Variants in UST observed in about 807,000 individuals in gnomAD.
The protein encoded by UST is chondroitin sulfate 2-O-sulfotransferase.
Under a neutral mutation model 45.6 loss-of-function variants are expected in UST, and 21 were observed. That is an observed-to-expected ratio of 0.46 (90% CI 0.33 to 0.66). The LOEUF is 0.66. Among genes scored for constraint, UST ranks in the 30% least tolerant of loss-of-function variants. The pLI, the probability that UST is intolerant of heterozygous loss-of-function variation, is 0.02. For synonymous variants in UST, 215 were observed against 200.6 expected, an observed-to-expected ratio of 1.07 and a Z score of -0.61; for missense variants, 463 against 512.4, an observed-to-expected ratio of 0.90 and a Z score of 0.93.
chr6:148,830,889 A>C (rs6916808), intron 1 of UST, among the ~76,000 whole-genome samples: 28,244 of 152,072 alleles, frequency 0.19, 2,869 homozygotes, highest in African/African-American at 0.27. Flanking sequence ...AGTGGTGATG[A>C]CTGCACAACA....
chr6:148,885,137 T>C (rs1028287602), intron 1 of UST, among the ~76,000 whole-genome samples: 1 of 152,144 alleles, frequency 6.6e-6, no homozygotes, highest in Non-Finnish European at 1.5e-5. Flanking sequence ...TCGTTCTTTT[T>C]TAGGAGTTTT....
At chr6:149,042,245 G>A (rs1043563104) in intron 7 of UST, among the ~76,000 whole-genome samples, 1 of 152,134 alleles carries the variant, frequency 6.6e-6, no homozygotes, top group African/African-American at 2.4e-5. Context: ...TACTATACAT[G>A]TACTGATAAT....
chr6:148,784,482 A>G (rs1310063126), intron 1 of UST, among the ~76,000 whole-genome samples: 1 of 152,202 alleles, frequency 6.6e-6, no homozygotes, highest in African/African-American at 2.4e-5. Context: ...CTGTGTACCC[A>G]TTCACGAGGA....
chr6:148,789,505 T>C (rs1346431954), intron 1 of UST, among the ~76,000 whole-genome samples: 3 of 152,022 alleles, frequency 2.0e-5, no homozygotes, highest in African/African-American at 7.2e-5. Flanking sequence ...ATTTTATTTA[T>C]ATAAATGTTT....
At chr6:149,033,673 G>A (rs1168451657) in intron 7 of UST, among the ~76,000 whole-genome samples, 1 of 152,126 alleles carries the variant, frequency 6.6e-6, no homozygotes, top group Non-Finnish European at 1.5e-5. Context: ...CACTTGACTT[G>A]AAGGTCTCAC....
intron 7 of UST, among the ~76,000 whole-genome samples, chr6:149,033,268 G>T (rs551447565): frequency 6.6e-6 from 1 of 152,298 alleles, no homozygotes; most frequent in Non-Finnish European, 1.5e-5. Context: ...GACATTCTTT[G>T]CTTATAAAAT....
At chr6:149,019,340 A>G in intron 6 of UST, 104 bp downstream of exon 6, 1 of 814,200 alleles carries the variant, frequency 1.2e-6, no homozygotes, top group South Asian at 1.5e-5. Flanking sequence ...TAGTCTCTCA[A>G]CCTTCTGGAA....
At chr6:148,780,052 C>G (rs563251292) in intron 1 of UST, among the ~76,000 whole-genome samples, 1 of 151,208 alleles carries the variant, frequency 6.6e-6, no homozygotes, top group Admixed American at 6.6e-5. Flanking sequence ...TTATTATAGA[C>G]ACATACATAT....
intron 1 of UST, among the ~76,000 whole-genome samples, chr6:148,823,258 G>A (rs1777500124): frequency 6.6e-6 from 1 of 152,288 alleles, no homozygotes; most frequent in South Asian, 2.1e-4. Flanking sequence ...GATTTAGAAA[G>A]ATTTTTATCT....
intron 7 of UST, among the ~76,000 whole-genome samples, chr6:149,045,181 T>G (rs1481211166): frequency 4.6e-5 from 7 of 152,162 alleles, no homozygotes; most frequent in Non-Finnish European, 1.0e-4. Context: ...GCTTTCTGGC[T>G]ATAAGCAGTA....
chr6:148,870,382 G>A (rs1778527197), intron 1 of UST, among the ~76,000 whole-genome samples: 1 of 152,166 alleles, frequency 6.6e-6, no homozygotes, highest in African/African-American at 2.4e-5. Flanking sequence ...CATTTCAGAT[G>A]TGCCCCAATC....
At chr6:148,891,934 A>G (rs1779026418) in intron 2 of UST, among the ~76,000 whole-genome samples, 1 of 152,220 alleles carries the variant, frequency 6.6e-6, no homozygotes, top group Non-Finnish European at 1.5e-5. Context: ...CAAACTGTAT[A>G]TAAAGTAAAT....
intron 1 of UST, among the ~76,000 whole-genome samples, chr6:148,755,847 G>A (rs528229861): frequency 6.6e-6 from 1 of 152,128 alleles, no homozygotes; most frequent in East Asian, 1.9e-4. Flanking sequence ...AATCATCCAG[G>A]TGAAAAATGG....
chr6:148,801,307 G>C (rs985852799), intron 1 of UST, among the ~76,000 whole-genome samples: 3 of 152,054 alleles, frequency 2.0e-5, no homozygotes, highest in Non-Finnish European at 4.4e-5. Flanking sequence ...CTTGTTAAGG[G>C]TGTTTCTCTA....
intron 1 of UST, among the ~76,000 whole-genome samples, chr6:148,857,248 C>T (rs1156305928): frequency 6.6e-6 from 1 of 152,166 alleles, no homozygotes; most frequent in Admixed American, 6.5e-5. Context: ...GCTACTCTCA[C>T]GGTCAGAGCC....
At chr6:148,968,254 G>C (rs911852067) in intron 5 of UST, among the ~76,000 whole-genome samples, 1 of 152,202 alleles carries the variant, frequency 6.6e-6, no homozygotes, top group Non-Finnish European at 1.5e-5. Context: ...AAATATTCAA[G>C]CATCTTATAG....
chr6:148,976,049 A>G (rs1048028733), intron 5 of UST, among the ~76,000 whole-genome samples: 1 of 152,250 alleles, frequency 6.6e-6, no homozygotes, highest in Non-Finnish European at 1.5e-5. Context: ...ATTCTTAAAG[A>G]TATTAAGATA....
intron 1 of UST, among the ~76,000 whole-genome samples, chr6:148,871,767 A>G (rs1309416670): frequency 6.6e-6 from 1 of 152,220 alleles, no homozygotes; most frequent in Non-Finnish European, 1.5e-5. Context: ...GAATTTCATT[A>G]CATAAGAGAA....
intron 2 of UST, among the ~76,000 whole-genome samples, chr6:148,921,256 T>C (rs1191521984): frequency 6.6e-6 from 1 of 152,216 alleles, no homozygotes; most frequent in African/African-American, 2.4e-5. Flanking sequence ...CTGTAGTCTC[T>C]CTGGGAAGAT....
Sources: allele counts gnomAD v4.1 joint callset (sites outside exome capture counted in the v4.1 genomes callset), GRCh38; gene constraint gnomAD v4.1.1; transcripts MANE v1.5; gene names NCBI Gene and HGNC (gene_info 2026-07-23, HGNC 2026-07-21).